Variants in IL36B observed in about 807,000 individuals in gnomAD.
The protein encoded by IL36B is interleukin-36 beta.
Under a neutral mutation model 19.3 loss-of-function variants are expected in IL36B, and 23 were observed. The ratio of observed to expected loss-of-function variants is 1.19; its 90% CI spans 0.86 to 1.69. IL36B has a LOEUF of 1.69. Ranked by LOEUF, IL36B falls within the 40% of genes most tolerant of loss-of-function variation. The pLI is 0.00. For missense variants in IL36B, 217 were observed against 200.5 expected, an observed-to-expected ratio of 1.08 and a Z score of -0.50; for synonymous variants, 59 against 59.7, an observed-to-expected ratio of 0.99 and a Z score of 0.05.
chr2:113,030,707 G>A (rs770911824), intron 3 of IL36B, among the ~76,000 whole-genome samples: 8 of 151,660 alleles, frequency 5.3e-5, no homozygotes, highest in Non-Finnish European at 1.2e-4. Context: ...GAAAGATGAC[G>A]GAGTTTGAAT....
intron 4 of IL36B, chr2:113,027,478 A>T (rs893844520): frequency 9.8e-7 from 1 of 1,023,382 alleles, no homozygotes; most frequent in African/African-American, 1.7e-5. Flanking sequence ...CATTCATCTC[A>T]TTCTTCAGCT....
At chr2:113,046,444 C>T (rs780198457) in intron 1 of IL36B, among the ~76,000 whole-genome samples, 4 of 152,088 alleles carry the variant, frequency 2.6e-5, no homozygotes, top group African/African-American at 4.8e-5. Context: ...CTCCTGACCT[C>T]GTGATCCGCC....
intron 3 of IL36B, among the ~76,000 whole-genome samples, chr2:113,029,936 T>C (rs1413050219): frequency 1.3e-5 from 2 of 152,032 alleles, no homozygotes; most frequent in South Asian, 2.1e-4. Flanking sequence ...AATATTCTAA[T>C]AGAAGGAGAA....
chr2:113,051,069 C>A (rs1016546109), intron 1 of IL36B, among the ~76,000 whole-genome samples: 3 of 152,172 alleles, frequency 2.0e-5, no homozygotes, highest in Non-Finnish European at 4.4e-5. Flanking sequence ...GAGGCCGTGC[C>A]TCTCATCGTG....
At chr2:113,033,013 C>G (rs1196201195) in intron 1 of IL36B, among the ~76,000 whole-genome samples, 2 of 152,178 alleles carry the variant, frequency 1.3e-5, no homozygotes, top group African/African-American at 4.8e-5. Flanking sequence ...AGAGGTGTGT[C>G]TCCCTTGGAG....
At chr2:113,025,836 G>C (rs746946211) in intron 5 of IL36B, among the ~76,000 whole-genome samples, 1 of 152,150 alleles carries the variant, frequency 6.6e-6, no homozygotes, top group Non-Finnish European at 1.5e-5. Context: ...GATAGAATCT[G>C]TCTTAGCTAG....
At chr2:113,027,937 T>C (rs758825829) in intron 4 of IL36B, 18 of 1,614,166 alleles carry the variant, frequency 1.1e-5, no homozygotes, top group Non-Finnish European at 1.4e-5. Flanking sequence ...GTTAGTGTTA[T>C]TAGTTATGCC....
At chr2:113,028,207 T>A in intron 4 of IL36B, 92 bp from the exon 5 acceptor site, 1 of 1,006,198 alleles carries the variant, frequency 9.9e-7, no homozygotes, top group Non-Finnish European at 1.5e-6. Context: ...GAGGGACTGC[T>A]GCCCCCAAAG....
Position 113,027,806 on chromosome 2 carries a change from A to G in IL36B, c.261+1133T>C. 3.3e-6 allele frequency: 5 copies of G among 1,525,498 alleles called. No individual in the cohort carries two copies. The South Asian group carries it at 6.4e-5, about 20-fold the overall frequency. 94.5% of individuals were successfully genotyped at this position (1,525,498 alleles called of 1,614,324 possible). A position where few individuals can be genotyped will look rare whatever the true frequency, so the allele number is the denominator to read the frequency against. ...AATGAGGTAAGCTATGGATGGGCTG[A>G]ACTGCTAGTGAACTCAGTCGCATAA... is the stretch of plus-strand genomic sequence containing the variant. On this transcript the variant is annotated intron_variant, in intron 4 of 5. Coordinates refer to ENST00000259213, the MANE Select transcript of IL36B (RefSeq NM_014438.5).
chr2:113,034,450 T>A (rs1685131119), intron 1 of IL36B, among the ~76,000 whole-genome samples: 1 of 151,960 alleles, frequency 6.6e-6, no homozygotes, highest in South Asian at 2.1e-4. Flanking sequence ...TCATAAAATG[T>A]ATGCTTCCAT....
intron 1 of IL36B, among the ~76,000 whole-genome samples, chr2:113,037,600 A>C (rs4848311): frequency 6.6e-6 from 1 of 151,354 alleles, no homozygotes; most frequent in African/African-American, 2.4e-5. Context: ...GGTGAGCTGA[A>C]ATCACGCCAC....
At chr2:113,031,253 A>G in intron 2 of IL36B, 98 bp from the exon 3 acceptor site, 1 of 791,904 alleles carries the variant, frequency 1.3e-6, no homozygotes, top group Admixed American at 1.9e-5. Flanking sequence ...TTCTGGAGAG[A>G]GTCTCATTGC....
At chr2:113,044,258 A>G (rs972682812) in intron 1 of IL36B, among the ~76,000 whole-genome samples, 1 of 131,280 alleles carries the variant, frequency 7.6e-6, no homozygotes, top group Non-Finnish European at 1.6e-5. Flanking sequence ...ATCTATATCT[A>G]TATGTGTGTG....
At chr2:113,042,949 T>C (rs1172709022) in intron 1 of IL36B, among the ~76,000 whole-genome samples, 1 of 152,194 alleles carries the variant, frequency 6.6e-6, no homozygotes, top group Non-Finnish European at 1.5e-5. Context: ...ATAGCTAGTC[T>C]TTTTAATTTT....
intron 1 of IL36B, among the ~76,000 whole-genome samples, chr2:113,035,317 G>A (rs549234933): frequency 3.9e-5 from 6 of 152,084 alleles, no homozygotes; most frequent in African/African-American, 9.7e-5. Flanking sequence ...CTACACACAC[G>A]GTGTACTGAA....
At chr2:113,026,936 G>T (rs1338937166) in intron 4 of IL36B, among the ~76,000 whole-genome samples, 1 of 152,176 alleles carries the variant, frequency 6.6e-6, no homozygotes, top group African/African-American at 2.4e-5. Context: ...CAGCATGGGG[G>T]TAGCAGTACA....
chr2:113,048,433 C>A (rs931584083), intron 1 of IL36B, among the ~76,000 whole-genome samples: 1 of 152,122 alleles, frequency 6.6e-6, no homozygotes, highest in Non-Finnish European at 1.5e-5. Context: ...CAGAGTGAGA[C>A]TCTGCCTCAA....
At chr2:113,030,817 AT>A (rs1301094807) in intron 3 of IL36B, among the ~76,000 whole-genome samples, 1 of 152,112 alleles carries the variant, frequency 6.6e-6, no homozygotes, top group African/African-American at 2.4e-5. Context: ...ATCTGAAGAT[AT>A]TTTCTTTTGG....
In IL36B at chr2:113,022,741, T is replaced by C; in HGVS notation, c.428A>G (p.His143Arg). The stretch of plus-strand genomic sequence containing the variant: ...GAAATCTTTGTCCTTCTTCCTGAGA[T>C]GGTGATGTTGAAAGGAACTCTTCCA... The change falls in exon 6 of 6, where the codon CAT becomes CGT. Residue 143 changes from histidine to arginine, a missense_variant. Coordinates refer to ENST00000259213, the MANE Select transcript of IL36B (RefSeq NM_014438.5). 1.2e-6 allele frequency: 2 copies of C among 1,613,308 alleles called. No homozygotes were observed. Among genetic ancestry groups the C allele is most frequent in the Non-Finnish European group, 1.7e-6 (2 of 1,179,292 alleles).
Sources: gnomAD v4.1 joint callset for allele counts (sites outside exome capture counted in the v4.1 genomes callset) on GRCh38, gnomAD v4.1.1 for gene constraint, MANE v1.5 for transcripts, NCBI Gene and HGNC (gene_info 2026-07-23, HGNC 2026-07-21) for gene names.